The following PFKFB3 variants were observed in gnomAD, a reference collection of about 807,000 sequenced individuals.
The protein encoded by PFKFB3 is 6-phosphofructo-2-kinase/fructose-2,6-bisphosphatase 3.
Under a neutral mutation model 68.0 loss-of-function variants are expected in PFKFB3, and 33 were observed. The observed-to-expected ratio is 0.49, with a 90% CI of 0.37 to 0.65. The LOEUF (loss-of-function observed/expected upper bound fraction) is 0.65, where lower values mean the gene tolerates loss of function less well. Among genes scored for constraint, PFKFB3 ranks in the 30% least tolerant of loss-of-function variants. PFKFB3 has a pLI of 0.00. For synonymous variants in PFKFB3, 315 were observed against 288.2 expected (o/e 1.09, Z -0.94); for missense variants, 586 against 712.2 (o/e 0.82, Z 2.02).
the PFKFB3 span, among the ~76,000 whole-genome samples, chr10:6,318,667 G>A: frequency 2.1e-3 from 317 of 152,328 alleles, 1 homozygote; most frequent in African/African-American, 7.3e-3. Context: ...TTGCTCCACT[G>A]TGGAAAAATC....
Position 6,153,242 on chromosome 10 carries a change from G to T in PFKFB3, c.16+8229G>T, listed in dbSNP as rs145231803. Among the ~76,000 whole-genome samples the T allele has an allele frequency of 1.4e-4, 21 of 152,324 alleles. No individual in the cohort carries two copies. In the East Asian group the frequency reaches 4.1e-3, roughly 29 times the overall value. The stretch of plus-strand genomic sequence containing the variant: ...AAGCAAGAAATGTAATTGAAAGGCC[G>T]ATGGGCTGCCCTGTCCTGCGGGTGC... On this transcript the variant is annotated intron_variant, in intron 1 of 14. Coordinates refer to the PFKFB3 transcript ENST00000379789.
intron 1 of PFKFB3, among the ~76,000 whole-genome samples, chr10:6,178,858 G>A (rs951961061): frequency 9.2e-5 from 14 of 152,182 alleles, no homozygotes; most frequent in Admixed American, 5.2e-4. Context: ...GGGACGCAGC[G>A]CACTGGTCCC....
rs149295239 is a variant in PFKFB3 at position 6,234,675 on chromosome 10, G to A, written c.*1733G>A. The A allele has an allele frequency of 4.0e-4, 61 of 152,356 alleles. 1 individual carries two copies. Among genetic ancestry groups the A allele is most frequent in the African/African-American group, 1.5e-3 (61 of 41,518 alleles). The allele number at this position is 152,356 out of a possible 1,614,324, so 9.4% of individuals were successfully genotyped here. On this transcript the variant is annotated 3_prime_UTR_variant, in exon 15 of 15. Coordinates refer to ENST00000379775, the MANE Select transcript of PFKFB3 (RefSeq NM_004566.4). ...GGTGGACGTGCACGGGTGCATGATT[G>A]TGCTTAACTTGGTTGTATTTTTCGA... is the stretch of plus-strand genomic sequence containing the variant.
chr10:6,157,461 C>T (rs1841842482), intron 1 of PFKFB3, among the ~76,000 whole-genome samples: 1 of 152,096 alleles, frequency 6.6e-6, no homozygotes, highest in South Asian at 2.1e-4. Context: ...CTCCTGACCT[C>T]GTGATCCGCC....
the PFKFB3 span, among the ~76,000 whole-genome samples, chr10:6,299,464 A>G: frequency 5.3e-5 from 8 of 152,188 alleles, no homozygotes; most frequent in Admixed American, 6.5e-5. Flanking sequence ...TGCAGGTAGC[A>G]TGGCTGAGTC....
At chr10:6,208,589 A>C (rs1843955372) in intron 1 of PFKFB3, among the ~76,000 whole-genome samples, 1 of 151,642 alleles carries the variant, frequency 6.6e-6, no homozygotes, top group South Asian at 2.1e-4. Flanking sequence ...GTCCTAGAGA[A>C]ATCCCTGCCT....
In PFKFB3 at chr10:6,210,969, G is replaced by A. The variant is rs188367271; in HGVS notation, c.77-2654G>A. ...ATGATCCACCCGCCTCGGCCTCCCA[G>A]AGGGCTGGGATTACAGGCGTGAGCC... is the stretch of plus-strand genomic sequence containing the variant. On this transcript the variant is annotated intron_variant, in intron 1 of 14. Coordinates refer to ENST00000379775, the MANE Select transcript of PFKFB3 (RefSeq NM_004566.4). Among the ~76,000 whole-genome samples, 146 of 148,328 alleles carry A rather than the reference G, an allele frequency of 9.8e-4. 39 individuals are homozygous for A. Among genetic ancestry groups the A allele is most frequent in the Middle Eastern group, 7.0e-3 (2 of 284 alleles).
At chr10:6,189,757 C>T (rs375699831) in intron 1 of PFKFB3, among the ~76,000 whole-genome samples, 5 of 151,876 alleles carry the variant, frequency 3.3e-5, no homozygotes, top group Non-Finnish European at 5.9e-5. Flanking sequence ...TCAAGTGATC[C>T]GCCCGCCTCG....
In PFKFB3 at chr10:6,154,835, G is replaced by A. The variant is rs533696852; in HGVS notation, c.16+9822G>A. On this transcript the variant is annotated intron_variant, in intron 1 of 14. Coordinates refer to the PFKFB3 transcript ENST00000379789. The surrounding 1 kb of genome is among the most constrained non-coding windows in gnomAD (Gnocchi z 4.6). Reference sequence around the variant, plus strand: ...GGGAGACGCTGGGAGCCAGGTGGCCGAGGCGGTCGAGGCCTGGGTTGTAGT... The same window carrying A: ...GGGAGACGCTGGGAGCCAGGTGGCCAAGGCGGTCGAGGCCTGGGTTGTAGT... Among the ~76,000 whole-genome samples, 6 of 152,366 alleles carry A rather than the reference G, an allele frequency of 3.9e-5. No individual in the cohort carries two copies. The highest frequency in any genetic ancestry group is 1.9e-4 in the East Asian group (1 of 5,186).
At chr10:6,248,661 A>G (rs1232960836) in intron 14 of PFKFB3, among the ~76,000 whole-genome samples, 3 of 136,890 alleles carry the variant, frequency 2.2e-5, no homozygotes, top group East Asian at 4.3e-4. Context: ...AAGGCAGGGG[A>G]TCTGAATAGA....
chr10:6,242,883 C>T (rs542350749), intron 14 of PFKFB3, among the ~76,000 whole-genome samples: 13 of 152,308 alleles, frequency 8.5e-5, no homozygotes, highest in Admixed American at 3.3e-4. Context: ...CCACTGCGCC[C>T]GGCCTAAACA....
the PFKFB3 span, among the ~76,000 whole-genome samples, chr10:6,305,475 C>G: frequency 6.6e-6 from 1 of 152,232 alleles, no homozygotes; most frequent in Non-Finnish European, 1.5e-5. Flanking sequence ...GCCACCACAC[C>G]CAGCCAATTT....
At chr10:6,145,167 C>A (rs1841337182) in intron 1 of PFKFB3, among the ~76,000 whole-genome samples, 1 of 152,048 alleles carries the variant, frequency 6.6e-6, no homozygotes, top group Non-Finnish European at 1.5e-5. Context: ...AGACGCGCTC[C>A]GCCTTGTCCC....
the PFKFB3 span, among the ~76,000 whole-genome samples, chr10:6,314,800 C>T: frequency 6.6e-6 from 1 of 152,136 alleles, no homozygotes; most frequent in African/African-American, 2.4e-5. Context: ...AAGGGCTCAG[C>T]GGAGTTTGTG....
Position 6,233,280 on chromosome 10 carries a change from T to C in PFKFB3, c.*338T>C, listed in dbSNP as rs908215616. 2.4e-5 allele frequency: 6 copies of C among 253,106 alleles called. No individual in the cohort carries two copies. The highest frequency in any genetic ancestry group is 1.2e-3 in the Middle Eastern group (1 of 848). The allele number at this position is 253,106 out of a possible 1,614,324, so 15.7% of individuals were successfully genotyped here. The stretch of plus-strand genomic sequence containing the variant: ...TGACAGGAGGCCGCTGGGGACACTG[T>C]GCTGTTTTGTTTCGTTTCTGTGATC... On this transcript the variant is annotated 3_prime_UTR_variant, in exon 15 of 15. Transcript: ENST00000379775.
chr10:6,156,151 G>A (rs1188369787), intron 1 of PFKFB3, among the ~76,000 whole-genome samples: 2 of 151,686 alleles, frequency 1.3e-5, no homozygotes, highest in Non-Finnish European at 1.5e-5. Flanking sequence ...GTGTGTGTGT[G>A]TGTGTGTGTG....
At chr10:6,216,822 G>C in intron 5 of PFKFB3, 42 bp downstream of exon 5, 1 of 1,468,310 alleles carries the variant, frequency 6.8e-7, no homozygotes, top group Non-Finnish European at 9.5e-7. Flanking sequence ...GCTCGGGAGA[G>C]AGGAAAAGGC....
chr10:6,265,292 G>C, the PFKFB3 span, among the ~76,000 whole-genome samples: 3 of 151,962 alleles, frequency 2.0e-5, no homozygotes, highest in Non-Finnish European at 2.9e-5. Flanking sequence ...TGTTGGCCAG[G>C]CTGGTCTCAA....
chr10:6,225,635 C>T (rs182091918), intron 13 of PFKFB3, among the ~76,000 whole-genome samples: 1 of 152,370 alleles, frequency 6.6e-6, no homozygotes, highest in East Asian at 1.9e-4. Context: ...GCCGCAGAAC[C>T]TGCTTCCTGC....
Sources: gnomAD v4.1 joint callset for allele counts (sites outside exome capture counted in the v4.1 genomes callset) on GRCh38, gnomAD v4.1.1 for gene constraint, Gnocchi (gnomAD v3.1) non-coding constraint, MANE v1.5 for transcripts, NCBI Gene and HGNC (gene_info 2026-07-23, HGNC 2026-07-21) for gene names.